The following GSR variants were observed in gnomAD, a reference collection of about 807,000 sequenced individuals.
The protein encoded by GSR is glutathione-disulfide reductase.
GSR carries 48 observed loss-of-function variants against 56.5 expected under a neutral mutation model. The observed-to-expected ratio is 0.85, with a 90% CI of 0.67 to 1.08. The LOEUF is 1.08. Ranked by LOEUF, GSR falls within the 50% of genes least tolerant of loss-of-function variation. The probability of loss-of-function intolerance (pLI) is 0.00; values close to 1 mark genes in which losing one functional copy is unlikely to be tolerated. For synonymous variants in GSR, 264 were observed against 270.8 expected (o/e 0.97, Z 0.25); for missense variants, 694 against 703.3 (o/e 0.99, Z 0.15).
chr8:30,696,489 G>A lies in GSR; in HGVS notation c.696-10C>T, dbSNP rs8190996. 705,711 of 1,572,768 alleles carry A rather than the reference G, an allele frequency of 0.45. 160,222 individuals are homozygous for A. The highest frequency in any genetic ancestry group is 0.46 in the Admixed American group (27,541 of 59,896). Reference sequence around the variant, plus strand: ...AACAATGACGCTGCGGCTGAGACGCGAGCAGAGGGTTAGTATTCTTAAATA... The same window carrying A: ...AACAATGACGCTGCGGCTGAGACGCAAGCAGAGGGTTAGTATTCTTAAATA... On this transcript the variant is annotated splice_polypyrimidine_tract_variant and intron_variant, in intron 6 of 12. Coordinates refer to ENST00000221130, the MANE Select transcript of GSR (RefSeq NM_000637.5).
intron 9 of GSR, 69 bp from the exon 10 acceptor site, chr8:30,684,268 G>T: frequency 1.2e-6 from 1 of 861,344 alleles, no homozygotes; most frequent in Non-Finnish European, 2.0e-6. Context: ...CAAACCTCTG[G>T]ATCTCCCTTC....
At chr8:30,707,009 C>G (rs1803943724) in intron 4 of GSR, 1 of 152,234 alleles carries the variant, frequency 6.6e-6, no homozygotes, top group Non-Finnish European at 1.5e-5. Flanking sequence ...GTGGTGCACA[C>G]CTCTAATCCC....
intron 10 of GSR, among the ~76,000 whole-genome samples, chr8:30,683,067 C>T (rs1368172427): frequency 6.6e-6 from 1 of 151,974 alleles, no homozygotes; most frequent in Non-Finnish European, 1.5e-5. Context: ...ACCTCGTGAT[C>T]TGCCCACCTC....
intron 1 of GSR, among the ~76,000 whole-genome samples, chr8:30,723,112 C>T (rs1804602664): frequency 6.6e-6 from 1 of 152,128 alleles, no homozygotes; most frequent in Non-Finnish European, 1.5e-5. Flanking sequence ...GAACCCAGGA[C>T]CGCAAGTTCC....
intron 1 of GSR, among the ~76,000 whole-genome samples, chr8:30,713,771 C>T (rs1804237386): frequency 1.3e-5 from 2 of 152,212 alleles, no homozygotes; most frequent in Non-Finnish European, 2.9e-5. Flanking sequence ...TGTTAGCAAA[C>T]ATATCCTGAT....
intron 9 of GSR, among the ~76,000 whole-genome samples, chr8:30,685,802 C>T (rs1450192644): frequency 2.0e-5 from 3 of 151,698 alleles, no homozygotes; most frequent in African/African-American, 7.3e-5. Flanking sequence ...ATGGTGAAAC[C>T]CTGTCTCTAC....
Position 30,703,213 on chromosome 8 carries a change from C to A in GSR, c.520G>T (p.Ala174Ser). ...GGCTTGGGATCACTCGTGAAGGCTG[C>A]ATGGCCACGGATGATTTCTATATGG... ...KSHIEIIRGH[A>S]AFTSDPKPTI... The change falls in exon 5 of 13, where the codon GCA becomes TCA. Residue 174 changes from alanine (A) to serine (S), a missense_variant. Coordinates refer to ENST00000221130, the MANE Select transcript of GSR (RefSeq NM_000637.5). 1 of 1,614,058 alleles carries A rather than the reference C, an allele frequency of 6.2e-7. No individual in the cohort carries two copies. Among genetic ancestry groups the A allele is most frequent in the Non-Finnish European group, 8.5e-7 (1 of 1,179,940 alleles).
At position 30,678,938 on chromosome 8, in the gene GSR, G is replaced by C. The variant is rs972803607; in HGVS notation, c.*582C>G. 6.5e-6 allele frequency: 1 copy of C among 152,870 alleles called. No homozygotes were observed. The highest frequency in any genetic ancestry group is 2.4e-5 in the African/African-American group (1 of 41,410). The allele number at this position is 152,870 out of a possible 1,614,324, so 9.5% of individuals were successfully genotyped here. A position where few individuals can be genotyped will look rare whatever the true frequency, so the allele number is the denominator to read the frequency against. ...GCCGAGGTGGGCGGATCACCTGAAG[G>C]TGGGAGTTTGAGACCAGCCTGACCA... On this transcript the variant is annotated 3_prime_UTR_variant, in exon 13 of 13. Coordinates refer to ENST00000221130, the MANE Select transcript of GSR (RefSeq NM_000637.5).
chr8:30,693,367 G>A (rs1304385982), intron 7 of GSR, among the ~76,000 whole-genome samples: 4 of 152,124 alleles, frequency 2.6e-5, no homozygotes, highest in African/African-American at 9.6e-5. Context: ...TCCACTTTTC[G>A]TATCTCAAGG....
At position 30,727,685 on chromosome 8, in the gene GSR, G is replaced by A; in HGVS notation, c.151C>T (p.Gln51Ter). ...SRAMACRQEP[Q>*]PQGPPPAAGA... ...GCAGCGGGCGGCGGGCCCTGCGGCT[G>A]CGGCTCCTGCCTGCAGGCCATGGCA... The change falls in exon 1 of 13, where the codon CAG becomes TAG. Residue 51 changes from glutamine (Q) to a stop codon, truncating the protein, a stop_gained. Transcript: ENST00000221130. LOFTEE classifies it high-confidence loss of function. 6.9e-7 allele frequency: 1 copy of A among 1,439,086 alleles called. No homozygotes were observed. Among genetic ancestry groups the A allele is most frequent in the Non-Finnish European group, 9.0e-7 (1 of 1,105,772 alleles). The allele number at this position is 1,439,086 out of a possible 1,614,324, so 89.1% of individuals were successfully genotyped here.
At chr8:30,726,027 A>G (rs1290585718) in intron 1 of GSR, among the ~76,000 whole-genome samples, 3 of 152,146 alleles carry the variant, frequency 2.0e-5, no homozygotes, top group South Asian at 4.1e-4. Context: ...TACTCTCATG[A>G]GGTGTGGGAG....
At chr8:30,681,467 G>A (rs1802955184) in intron 11 of GSR, among the ~76,000 whole-genome samples, 3 of 152,054 alleles carry the variant, frequency 2.0e-5, no homozygotes, top group Non-Finnish European at 4.4e-5. Context: ...GGAGGTTGCA[G>A]TGAGCAGAGA....
At chr8:30,724,515 A>T (rs528779050) in intron 1 of GSR, among the ~76,000 whole-genome samples, 2 of 146,874 alleles carry the variant, frequency 1.4e-5, no homozygotes, top group South Asian at 4.3e-4. Context: ...GAGGTTCCGA[A>T]TGTCAAAGAA....
intron 7 of GSR, among the ~76,000 whole-genome samples, chr8:30,695,689 A>C (rs1803521490): frequency 6.6e-6 from 1 of 152,182 alleles, no homozygotes; most frequent in African/African-American, 2.4e-5. Context: ...AATTGTTTAG[A>C]ATGAGTGGTA....
intron 10 of GSR, among the ~76,000 whole-genome samples, chr8:30,683,799 ACTTC>A (rs1803036861): frequency 6.6e-6 from 1 of 151,138 alleles, no homozygotes; most frequent in Admixed American, 6.6e-5. Context: ...TCCAAATGCC[ACTTC>A]CTTCCACTGC....
intron 5 of GSR, among the ~76,000 whole-genome samples, chr8:30,701,354 TACTCAG>T (rs1472136747): frequency 6.6e-6 from 1 of 152,084 alleles, no homozygotes; most frequent in Non-Finnish European, 1.5e-5. Context: ...TAATCCCTGC[TACTCAG>T]GAGGCTGGGG....
intron 1 of GSR, among the ~76,000 whole-genome samples, chr8:30,721,013 C>T (rs1030776327): frequency 7.2e-5 from 11 of 152,146 alleles, no homozygotes; most frequent in Admixed American, 1.3e-4. Context: ...GGAGGATCAT[C>T]TGAACCCAGG....
intron 1 of GSR, among the ~76,000 whole-genome samples, chr8:30,721,112 T>A (rs1388410559): frequency 7.3e-5 from 11 of 151,440 alleles, no homozygotes; most frequent in African/African-American, 1.7e-4. Context: ...CAAAAAAATT[T>A]AAAAAATAAA....
intron 6 of GSR, among the ~76,000 whole-genome samples, chr8:30,698,057 G>GCCCCAGTA (rs1451068369): frequency 5.9e-4 from 90 of 152,072 alleles, no homozygotes; most frequent in Non-Finnish European, 1.0e-3. Flanking sequence ...TGCAGCCCCA[G>GCCCCAGTA]GACTACTCAT....
Sources: gnomAD v4.1 joint callset for allele counts (sites outside exome capture counted in the v4.1 genomes callset) on GRCh38, gnomAD v4.1.1 for gene constraint, MANE v1.5 for transcripts, NCBI Gene and HGNC (gene_info 2026-07-23, HGNC 2026-07-21) for gene names.